GARNL3: variants seen among roughly 807,000 people sequenced by gnomAD.
GARNL3 encodes the protein GTPase-activating Rap/Ran-GAP domain-like protein 3.
A neutral mutation model predicts 125.0 loss-of-function variants in GARNL3; 63 were observed. The ratio of observed to expected loss-of-function variants is 0.50; its 90% CI spans 0.41 to 0.62. The LOEUF is 0.62. Ranked by LOEUF, GARNL3 falls within the 20% of genes least tolerant of loss-of-function variation. The probability of loss-of-function intolerance (pLI) is 0.00; values close to 1 mark genes in which losing one functional copy is unlikely to be tolerated. For synonymous variants in GARNL3, 439 were observed against 457.5 expected (o/e 0.96, Z 0.52); for missense variants, 994 against 1,244.0 (o/e 0.80, Z 3.02).
chr9:127,231,008 G>A (rs10125822), intron 1 of GARNL3, among the ~76,000 whole-genome samples: 73 of 126,640 alleles, frequency 5.8e-4, no homozygotes, highest in Non-Finnish European at 1.1e-3. Context: ...ATACACATAT[G>A]TGTATATATA....
chr9:127,304,660 C>T (rs144831672), intron 2 of GARNL3, among the ~76,000 whole-genome samples: 315 of 151,680 alleles, frequency 2.1e-3, no homozygotes, highest in African/African-American at 6.9e-3. Flanking sequence ...CTCAGCCTCC[C>T]GAGTAGCTGG....
chr9:127,297,847 A>G (rs563103295), intron 2 of GARNL3, among the ~76,000 whole-genome samples: 23 of 152,358 alleles, frequency 1.5e-4, no homozygotes, highest in African/African-American at 5.5e-4. Context: ...AAAGCTGTCT[A>G]TAGCAATTTA....
intron 21 of GARNL3, chr9:127,362,047 G>A (rs1396926169): frequency 6.6e-6 from 1 of 151,508 alleles, no homozygotes; most frequent in Non-Finnish European, 1.5e-5. Flanking sequence ...GTTATGTCTT[G>A]GAAGGGGCTC....
chr9:127,287,206 C>T (rs953720972), intron 1 of GARNL3, among the ~76,000 whole-genome samples: 2 of 151,990 alleles, frequency 1.3e-5, no homozygotes, highest in African/African-American at 2.4e-5. Flanking sequence ...TGACAAATGG[C>T]GAGAGTGGAT....
chr9:127,332,727 T>C (rs534369040), intron 8 of GARNL3, among the ~76,000 whole-genome samples: 36 of 152,300 alleles, frequency 2.4e-4, no homozygotes, highest in Admixed American at 1.6e-3. Flanking sequence ...AATACCTGCT[T>C]ATTCTGAACG....
At chr9:127,317,631 C>T (rs530479582) in intron 4 of GARNL3, among the ~76,000 whole-genome samples, 6 of 151,958 alleles carry the variant, frequency 3.9e-5, no homozygotes, top group Non-Finnish European at 8.8e-5. Context: ...GCAGGAGAAT[C>T]GCTTGAACCC....
chr9:127,325,120 G>A, intron 7 of GARNL3, 25 bp downstream of exon 7: 5 of 1,605,306 alleles, frequency 3.1e-6, no homozygotes, highest in Non-Finnish European at 4.3e-6. Flanking sequence ...GGAGATATTT[G>A]CACCTGCTCT....
chr9:127,288,948 C>T (rs2064330567), intron 1 of GARNL3, among the ~76,000 whole-genome samples: 1 of 152,144 alleles, frequency 6.6e-6, no homozygotes, highest in Non-Finnish European at 1.5e-5. Flanking sequence ...CTATGTCAGA[C>T]ATTATTAATT....
At chr9:127,383,682 C>T (rs181016108) in intron 23 of GARNL3, 137 bp downstream of exon 23, 9 of 545,210 alleles carry the variant, frequency 1.7e-5, no homozygotes, top group South Asian at 2.8e-5. Flanking sequence ...ATATTCACAG[C>T]GTTCTTTTTC....
chr9:127,233,642 A>G (rs145698300), intron 1 of GARNL3, among the ~76,000 whole-genome samples: 3 of 152,214 alleles, frequency 2.0e-5, no homozygotes, highest in Non-Finnish European at 1.5e-5. Flanking sequence ...TACCATAGAC[A>G]GAAGATTTTG....
rs748439623 is a variant in GARNL3, at chr9:127,280,702, T to G, written c.145-10466T>G. Among the ~76,000 whole-genome samples, 16 of 152,260 alleles carry G rather than the reference T, an allele frequency of 1.1e-4. No homozygotes were observed. The highest frequency in any genetic ancestry group is 1.9e-4 in the Non-Finnish European group (13 of 68,040). ...TTGTGGTGAATTTTCACAAGTCTTT[T>G]ACTGGGAAATGGAGTATCAGGGACT... On this transcript the variant is annotated intron_variant, in intron 1 of 27. Coordinates refer to ENST00000373387, the MANE Select transcript of GARNL3 (RefSeq NM_032293.5). The surrounding 1 kb of genome is among the most constrained non-coding windows in gnomAD (Gnocchi z 4.5).
intron 20 of GARNL3, 62 bp downstream of exon 20, chr9:127,355,534 T>C: frequency 1.3e-6 from 2 of 1,503,462 alleles, no homozygotes; most frequent in Non-Finnish European, 1.8e-6. Context: ...GACTCTGTCC[T>C]TCCACCCAGA....
chr9:127,227,386 A>G (rs2062931596), intron 1 of GARNL3, among the ~76,000 whole-genome samples: 1 of 152,162 alleles, frequency 6.6e-6, no homozygotes, highest in Admixed American at 6.5e-5. Context: ...GGATCATTTG[A>G]GGTCAGGAGT....
chr9:127,372,008 C>T (rs891138297), intron 22 of GARNL3, among the ~76,000 whole-genome samples: 10 of 152,200 alleles, frequency 6.6e-5, no homozygotes, highest in African/African-American at 2.4e-4. Flanking sequence ...TTTTGGCTCA[C>T]GGAAACCTCC....
intron 1 of GARNL3, among the ~76,000 whole-genome samples, chr9:127,274,193 A>G (rs961780835): frequency 2.0e-5 from 3 of 152,138 alleles, no homozygotes; most frequent in African/African-American, 4.8e-5. Flanking sequence ...CTACTTTTTG[A>G]TACAGTATGA....
intron 20 of GARNL3, chr9:127,356,624 A>G (rs765958876): frequency 1.3e-5 from 2 of 152,280 alleles, no homozygotes; most frequent in Admixed American, 6.5e-5. Context: ...ATCTTGCTCT[A>G]CTTAAGTGTT....
In GARNL3 at chr9:127,355,332, A is replaced by G. The variant is rs949698191; in HGVS notation, c.1795A>G (p.Arg599Gly). 9.9e-6 allele frequency: 16 copies of G among 1,614,080 alleles called. No individual in the cohort carries two copies. Among genetic ancestry groups the G allele is most frequent in the African/African-American group, 8.0e-5 (6 of 74,934 alleles). Residue 599 changes from arginine (R) to glycine (G), a missense_variant, in exon 20 of 28, where the codon AGA becomes GGA. Coordinates refer to ENST00000373387, the MANE Select transcript of GARNL3 (RefSeq NM_032293.5). ...GTATGCTATTAACACTCACCACAGC[A>G]GAGAGCTGAGGATTGTGGTTGCAAT... Reference protein sequence around the residue: ...HLYAINTHHSRELRIVVAIRN... With the variant: ...HLYAINTHHSGELRIVVAIRN...
chr9:127,226,423 A>G (rs2131116785), intron 1 of GARNL3, among the ~76,000 whole-genome samples: 1 of 152,290 alleles, frequency 6.6e-6, no homozygotes, highest in South Asian at 2.1e-4. Flanking sequence ...GCATATAAGC[A>G]TCGCGGGGGC....
chr9:127,344,262 GAT>G lies in GARNL3; in HGVS notation c.1280_1281del (p.Asp427GlyfsTer22), dbSNP rs1233486985. ...CATGCTTAATAGACGATCTTTTAGT[GAT>G]GTCTTACCAGAGTCACCCAAGTCAG... is the stretch of plus-strand genomic sequence containing the variant. ...KNMLNRRSFS[D>X]VLPESPKSAR... On this transcript the variant is annotated frameshift_variant, in exon 15 of 28. Coordinates refer to ENST00000373387, the MANE Select transcript of GARNL3 (RefSeq NM_032293.5). LOFTEE classifies it high-confidence loss of function. 6.2e-7 allele frequency: 1 copy of G among 1,613,102 alleles called. No individual in the cohort carries two copies. The highest frequency in any genetic ancestry group is 1.7e-5 in the Admixed American group (1 of 59,782).
Sources: allele counts gnomAD v4.1 joint callset (sites outside exome capture counted in the v4.1 genomes callset), GRCh38; gene constraint gnomAD v4.1.1; non-coding constraint Gnocchi (gnomAD v3.1); transcripts MANE v1.5; gene names NCBI Gene and HGNC (gene_info 2026-07-23, HGNC 2026-07-21).